PRMT8: variants seen among roughly 807,000 people sequenced by gnomAD.
PRMT8 encodes the protein protein arginine methyltransferase 8.
In PRMT8, 7 loss-of-function variants were observed where a neutral mutation model predicts 47.1. The observed-to-expected ratio is 0.15, with a 90% CI of 0.08 to 0.28. PRMT8 has a LOEUF of 0.28. Among genes scored for constraint, PRMT8 ranks in the 10% least tolerant of loss-of-function variants. The probability of loss-of-function intolerance (pLI) is 1.00; values close to 1 mark genes in which losing one functional copy is unlikely to be tolerated. For missense variants in PRMT8, 237 were observed against 505.4 expected, an observed-to-expected ratio of 0.47 and a Z score of 5.09; for synonymous variants, 188 against 186.5, an observed-to-expected ratio of 1.01 and a Z score of -0.07.
chr12:3,529,119 T>C (rs1865988570), intron 1 of PRMT8, among the ~76,000 whole-genome samples: 1 of 152,214 alleles, frequency 6.6e-6, no homozygotes. Flanking sequence ...CTTCTCTGTA[T>C]AGTATTTTAA....
At chr12:3,512,801 A>T (rs1006642983) in intron 1 of PRMT8, among the ~76,000 whole-genome samples, 1 of 152,216 alleles carries the variant, frequency 6.6e-6, no homozygotes, top group African/African-American at 2.4e-5. Flanking sequence ...GAATAAGTAA[A>T]TGAACTATGG....
chr12:3,587,041 T>G (rs1867192957), intron 8 of PRMT8, among the ~76,000 whole-genome samples: 1 of 152,192 alleles, frequency 6.6e-6, no homozygotes, highest in South Asian at 2.1e-4. Context: ...ATCTATATTC[T>G]GACAACTGAC....
At chr12:3,397,207 A>T (rs974002103) in intron 1 of PRMT8, among the ~76,000 whole-genome samples, 14 of 151,988 alleles carry the variant, frequency 9.2e-5, no homozygotes, top group Non-Finnish European at 1.6e-4. Context: ...CCTTCTTCTC[A>T]GCTCGTCAAA....
chr12:3,449,033 C>T lies in PRMT8; in HGVS notation c.48+67591C>T, dbSNP rs139904541. ...TTAGTTTGCTGAGGATAATGGCTTC[C>T]AGCTGCATCCATGTCCCTGCAAAGG... On this transcript the variant is annotated intron_variant, in intron 1 of 9. Transcript: ENST00000452611. 5.3e-3 allele frequency among the ~76,000 whole-genome samples: 807 copies of T among 152,268 alleles called. 5 individuals are homozygous for T. The highest frequency in any genetic ancestry group is 0.019 in the African/African-American group (776 of 41,550).
upstream of PRMT8, among the ~76,000 whole-genome samples, chr12:3,486,457 T>A (rs78916092): frequency 7.7e-3 from 1,179 of 152,304 alleles, 14 homozygotes; most frequent in African/African-American, 0.026. Context: ...TACTTAGCAC[T>A]TGCTTGGCCC....
intron 1 of PRMT8, among the ~76,000 whole-genome samples, chr12:3,450,143 T>C (rs1459668580): frequency 1.3e-5 from 2 of 152,234 alleles, no homozygotes; most frequent in African/African-American, 2.4e-5. Flanking sequence ...CTTTTAAAGA[T>C]AATAATAGTG....
chr12:3,555,863 GGACC>G (rs1866519061), intron 4 of PRMT8, among the ~76,000 whole-genome samples: 3 of 106,730 alleles, frequency 2.8e-5, no homozygotes, highest in Non-Finnish European at 6.4e-5. Context: ...TGGGTGGATG[GGACC>G]TGAGGATGCA....
rs1866729590 is a variant in PRMT8 at position 3,566,898 on chromosome 12, C to G, written c.482-1808C>G. 6.6e-6 allele frequency among the ~76,000 whole-genome samples: 1 copy of G among 152,228 alleles called. No homozygotes were observed. The highest frequency in any genetic ancestry group is 1.5e-5 in the Non-Finnish European group (1 of 68,038). On this transcript the variant is annotated intron_variant, in intron 4 of 9. Coordinates refer to ENST00000382622, the MANE Select transcript of PRMT8 (RefSeq NM_019854.5). This position sits in a 1 kb window ranked among gnomAD's most constrained non-coding sequence, Gnocchi z 4.7. Reference sequence around the variant, plus strand: ...AGAAAGAACAAACCAACCAATACATCAGCCTGCCAATTTAACAGTGGTATC... The same window carrying G: ...AGAAAGAACAAACCAACCAATACATGAGCCTGCCAATTTAACAGTGGTATC...
At chr12:3,467,633 T>C (rs1250523493) in intron 1 of PRMT8, among the ~76,000 whole-genome samples, 1 of 152,204 alleles carries the variant, frequency 6.6e-6, no homozygotes, top group Non-Finnish European at 1.5e-5. Context: ...AAGGACAGAA[T>C]TCCCAGGCCC....
Position 3,514,723 on chromosome 12 carries a change from T to TGGGG in PRMT8, c.75+23025_75+23028dup, listed in dbSNP as rs1865762962. The stretch of plus-strand genomic sequence containing the variant: ...GGCAACAGGAGCACCAGTGGGAGGG[T>TGGGG]GGGGGAGGGAGGGGCATTGATTCCC... On this transcript the variant is annotated intron_variant, in intron 1 of 9. Coordinates refer to ENST00000382622, the MANE Select transcript of PRMT8 (RefSeq NM_019854.5). This position sits in a 1 kb window ranked among gnomAD's most constrained non-coding sequence, Gnocchi z 5.9. 7.4e-6 allele frequency among the ~76,000 whole-genome samples: 1 copy of TGGGG among 135,318 alleles called. No individual in the cohort carries two copies. Among genetic ancestry groups the TGGGG allele is most frequent in the South Asian group, 2.7e-4 (1 of 3,656 alleles). 88.8% of individuals were successfully genotyped at this position (135,318 alleles called of 152,430 possible). A position where few individuals can be genotyped will look rare whatever the true frequency, so the allele number is the denominator to read the frequency against.
At chr12:3,555,455 A>G (rs1866509505) in intron 4 of PRMT8, among the ~76,000 whole-genome samples, 1 of 152,218 alleles carries the variant, frequency 6.6e-6, no homozygotes, top group Admixed American at 6.5e-5. Context: ...AGAAACACAA[A>G]GAAGATCATG....
chr12:3,491,292 G>C lies in PRMT8; in HGVS notation c.-334G>C. 8.8e-7 allele frequency: 1 copy of C among 1,130,978 alleles called. No homozygotes were observed. Among genetic ancestry groups the C allele is most frequent in the Non-Finnish European group, 1.1e-6 (1 of 921,264 alleles). The allele number at this position is 1,130,978 out of a possible 1,614,324, so 70.1% of individuals were successfully genotyped here. A position where few individuals can be genotyped will look rare whatever the true frequency, so the allele number is the denominator to read the frequency against. Reference sequence around the variant, plus strand: ...TGCGAGCAGCCTGGAGAGGATCCGCGACCGCCGCCGCCGCCGCCGCGGAGG... The same window carrying C: ...TGCGAGCAGCCTGGAGAGGATCCGCCACCGCCGCCGCCGCCGCCGCGGAGG... On this transcript the variant is annotated 5_prime_UTR_variant, in exon 1 of 10. Transcript: ENST00000382622.
Position 3,593,383 on chromosome 12 carries a change from G to C in PRMT8, c.*201G>C. 1 of 557,090 alleles carries C rather than the reference G, an allele frequency of 1.8e-6. No homozygotes were observed. The highest frequency in any genetic ancestry group is 3.1e-6 in the Non-Finnish European group (1 of 318,932). 34.5% of individuals were successfully genotyped at this position (557,090 alleles called of 1,614,324 possible). A position where few individuals can be genotyped will look rare whatever the true frequency, so the allele number is the denominator to read the frequency against. ...GCCTCCAGCTCCTCCGCTCTGCCCT[G>C]GTAGCCCTTCACGAAGGCTTTGTGT... On this transcript the variant is annotated 3_prime_UTR_variant, in exon 10 of 10. Transcript: ENST00000382622. This position sits in a 1 kb window ranked among gnomAD's most constrained non-coding sequence, Gnocchi z 4.8.
intron 1 of PRMT8, among the ~76,000 whole-genome samples, chr12:3,386,711 T>C (rs1033463350): frequency 3.9e-5 from 6 of 152,130 alleles, no homozygotes; most frequent in African/African-American, 7.2e-5. Context: ...CTTCTTTTTT[T>C]TTTCTTTCTT....
At chr12:3,451,380 C>T (rs942752559) in intron 1 of PRMT8, among the ~76,000 whole-genome samples, 3 of 152,160 alleles carry the variant, frequency 2.0e-5, no homozygotes, top group African/African-American at 4.8e-5. Flanking sequence ...TTCTGATTCC[C>T]AGTGCAGTGC....
intron 1 of PRMT8, among the ~76,000 whole-genome samples, chr12:3,432,448 G>A (rs561538196): frequency 2.6e-5 from 4 of 152,276 alleles, no homozygotes; most frequent in Admixed American, 6.5e-5. Flanking sequence ...GAATTCCACC[G>A]GGGAAAGACA....
intron 1 of PRMT8, among the ~76,000 whole-genome samples, chr12:3,528,953 G>C (rs1865985768): frequency 1.3e-5 from 2 of 152,128 alleles, no homozygotes; most frequent in South Asian, 4.2e-4. Context: ...TGGCTGGGGA[G>C]AGCAAGAACT....
At chr12:3,491,747 C>A (rs751480939) in intron 1 of PRMT8, 47 bp downstream of exon 1, 1 of 1,563,600 alleles carries the variant, frequency 6.4e-7, no homozygotes. Context: ...CGCCGCCCAC[C>A]CGGACCACCG....
chr12:3,550,622 A>AT lies in PRMT8; in HGVS notation c.417+533dup, dbSNP rs1425860393. On this transcript the variant is annotated intron_variant, in intron 3 of 9. Transcript: ENST00000382622. This position sits in a 1 kb window ranked among gnomAD's most constrained non-coding sequence, Gnocchi z 5.1. ...ATATGGCAAATGCTCGGCGTCTATTATTATAGTTGAGATGGGGCCCTAGAG... is the reference window on the plus strand; with the variant it reads ...ATATGGCAAATGCTCGGCGTCTATTATTTATAGTTGAGATGGGGCCCTAGAG... 1.3e-5 allele frequency: 2 copies of AT among 152,442 alleles called. No homozygotes were observed. The highest frequency in any genetic ancestry group is 2.9e-5 in the Non-Finnish European group (2 of 68,198). The allele number at this position is 152,442 out of a possible 1,614,324, so 9.4% of individuals were successfully genotyped here.
Sources: gnomAD v4.1 joint callset for allele counts (sites outside exome capture counted in the v4.1 genomes callset) on GRCh38, gnomAD v4.1.1 for gene constraint, Gnocchi (gnomAD v3.1) non-coding constraint, MANE v1.5 for transcripts, NCBI Gene and HGNC (gene_info 2026-07-23, HGNC 2026-07-21) for gene names.